GPM6A: variants seen among roughly 807,000 people sequenced by gnomAD.
GPM6A encodes neuronal membrane glycoprotein M6-a.
In GPM6A, 7 loss-of-function variants were observed where a neutral mutation model predicts 32.1. The observed-to-expected ratio is 0.22, with a 90% CI of 0.12 to 0.41. The LOEUF is 0.41. Among genes scored for constraint, GPM6A ranks in the 10% least tolerant of loss-of-function variants. GPM6A has a pLI of 1.00. For missense variants in GPM6A, 235 were observed against 347.2 expected (o/e 0.68, Z 2.57); for synonymous variants, 130 against 123.4 (o/e 1.05, Z -0.35).
In GPM6A at chr4:175,829,567, T is replaced by G. The variant is rs966966312; in HGVS notation, c.-22-17318A>C. ...TACTTGGAGAGCTGTCCGCTGGGGG[T>G]TTTTAGCAGTTTCCAGGTTTTGCAT... On this transcript the variant is annotated intron_variant, in intron 1 of 7. Coordinates refer to the GPM6A transcript ENST00000280187. Among the ~76,000 whole-genome samples, 4 of 150,332 alleles carry G rather than the reference T, an allele frequency of 2.7e-5. No individual in the cohort carries two copies. The East Asian group carries it at 7.7e-4, about 29-fold the overall frequency.
At chr4:175,700,332 G>A (rs1014249714) in intron 2 of GPM6A, among the ~76,000 whole-genome samples, 1 of 152,194 alleles carries the variant, frequency 6.6e-6, no homozygotes, top group Admixed American at 6.5e-5. Context: ...ACCTGATGGA[G>A]TATAAGAAAT....
chr4:175,877,205 G>A (rs192848821), intron 1 of GPM6A, among the ~76,000 whole-genome samples: 21 of 152,300 alleles, frequency 1.4e-4, no homozygotes. Context: ...CTCTGCACCT[G>A]ATTCCAGGGA....
intron 1 of GPM6A, among the ~76,000 whole-genome samples, chr4:175,932,990 C>A (rs550798353): frequency 6.6e-6 from 1 of 151,620 alleles, no homozygotes; most frequent in East Asian, 1.9e-4. Flanking sequence ...GCATGAAGAC[C>A]ACAAATAAAA....
intron 1 of GPM6A, among the ~76,000 whole-genome samples, chr4:175,903,880 C>T (rs1485243171): frequency 6.6e-6 from 1 of 152,008 alleles, no homozygotes; most frequent in African/African-American, 2.4e-5. Context: ...GAATATGGAC[C>T]ATGGATAACG....
rs550155603 is a variant in GPM6A, at chr4:175,690,624, G to T, written c.230+10951C>A. On this transcript the variant is annotated intron_variant, in intron 2 of 6. Coordinates refer to ENST00000393658, the MANE Select transcript of GPM6A (RefSeq NM_201591.3). The stretch of plus-strand genomic sequence containing the variant: ...GGCCTCTTCTCCTTCTTCAAAGCCA[G>T]CAGGTAGCATCTTGTTTTAGAAGTA... Among the ~76,000 whole-genome samples the T allele has an allele frequency of 4.7e-4, 71 of 152,296 alleles. 2 individuals are homozygous for T. The South Asian group carries it at 0.014, about 31-fold the overall frequency.
intron 1 of GPM6A, among the ~76,000 whole-genome samples, chr4:175,981,215 C>G (rs1239227535): frequency 1.3e-5 from 2 of 152,090 alleles, no homozygotes; most frequent in Non-Finnish European, 2.9e-5. Context: ...CACTCAAAAT[C>G]AACCAAGGGC....
intron 1 of GPM6A, among the ~76,000 whole-genome samples, chr4:175,882,388 T>C (rs1417914185): frequency 6.6e-6 from 1 of 151,998 alleles, no homozygotes; most frequent in Non-Finnish European, 1.5e-5. Context: ...CAGTAAGGAA[T>C]AAGTCTTCAA....
intron 3 of GPM6A, among the ~76,000 whole-genome samples, chr4:175,653,760 A>G (rs960697741): frequency 6.6e-6 from 1 of 152,140 alleles, no homozygotes; most frequent in African/African-American, 2.4e-5. Flanking sequence ...TATTTTACTG[A>G]TTAAAAGAAT....
chr4:175,719,065 G>A (rs1745983596), intron 1 of GPM6A, among the ~76,000 whole-genome samples: 1 of 151,982 alleles, frequency 6.6e-6, no homozygotes, highest in Non-Finnish European at 1.5e-5. Context: ...AAAACATAAT[G>A]ATAGATTTTT....
intron 1 of GPM6A, among the ~76,000 whole-genome samples, chr4:175,976,219 G>A (rs1740654882): frequency 2.0e-5 from 3 of 148,632 alleles, no homozygotes; most frequent in South Asian, 2.1e-4. Flanking sequence ...GAGTGCAGCT[G>A]CAAGCTGCAC....
chr4:175,936,585 GCA>G (rs1739243567), intron 1 of GPM6A, among the ~76,000 whole-genome samples: 1 of 151,856 alleles, frequency 6.6e-6, no homozygotes, highest in African/African-American at 2.4e-5. Context: ...AAATGTTAAA[GCA>G]CACTTAAGAG....
intron 1 of GPM6A, among the ~76,000 whole-genome samples, chr4:175,822,053 A>G (rs1735293076): frequency 6.6e-6 from 1 of 152,114 alleles, no homozygotes; most frequent in South Asian, 2.1e-4. Flanking sequence ...GACATTTTTT[A>G]TCTGTTTAAA....
At chr4:175,692,056 T>C (rs1277314085) in intron 2 of GPM6A, among the ~76,000 whole-genome samples, 23 of 152,186 alleles carry the variant, frequency 1.5e-4, no homozygotes, top group Admixed American at 1.5e-3. Flanking sequence ...TCATTTCAGT[T>C]AGCCCAGTAA....
intron 3 of GPM6A, among the ~76,000 whole-genome samples, chr4:175,655,807 C>A (rs185143207): frequency 1.3e-5 from 2 of 151,744 alleles, no homozygotes; most frequent in Non-Finnish European, 2.9e-5. Flanking sequence ...TTGTAATTTG[C>A]GAGCTGGAAA....
At chr4:175,966,952 T>C (rs893730488) in intron 1 of GPM6A, among the ~76,000 whole-genome samples, 1 of 152,058 alleles carries the variant, frequency 6.6e-6, no homozygotes, top group Non-Finnish European at 1.5e-5. Context: ...ATTTCCTAAT[T>C]TATTTTACAA....
Position 175,854,094 on chromosome 4 carries a change from T to C in GPM6A, c.-22-41845A>G, listed in dbSNP as rs115879717. On this transcript the variant is annotated intron_variant, in intron 1 of 7. Coordinates refer to the GPM6A transcript ENST00000280187. ...GAAATTTTTGAAAGTTCTGAGGATA[T>C]AGTTTTGATTTTAGCAGAGGCACTT... Among the ~76,000 whole-genome samples the C allele has an allele frequency of 4.2e-3, 633 of 152,308 alleles. 7 individuals carry two copies. Among genetic ancestry groups the C allele is most frequent in the African/African-American group, 0.014 (598 of 41,566 alleles).
chr4:175,675,948 G>T (rs530150563), intron 2 of GPM6A, among the ~76,000 whole-genome samples: 1 of 152,202 alleles, frequency 6.6e-6, no homozygotes, highest in Admixed American at 6.5e-5. Flanking sequence ...ATCTTGAATT[G>T]TAGTTCCCAT....
intron 1 of GPM6A, among the ~76,000 whole-genome samples, chr4:175,889,541 C>T (rs576268651): frequency 6.9e-6 from 1 of 144,482 alleles, no homozygotes; most frequent in African/African-American, 2.7e-5. Context: ...AGAGGCCAGG[C>T]GCAGTGGCTC....
At chr4:175,785,356 C>T (rs1228413272) in intron 1 of GPM6A, among the ~76,000 whole-genome samples, 2 of 152,102 alleles carry the variant, frequency 1.3e-5, no homozygotes. Flanking sequence ...ATCTTGCAGC[C>T]AGCATCACAT....
Sources: allele counts gnomAD v4.1 joint callset (sites outside exome capture counted in the v4.1 genomes callset), GRCh38; gene constraint gnomAD v4.1.1; transcripts MANE v1.5; gene names NCBI Gene and HGNC (gene_info 2026-07-23, HGNC 2026-07-21).